TNRC6C: variants seen among roughly 807,000 people sequenced by gnomAD.
The protein encoded by TNRC6C is trinucleotide repeat-containing gene 6C protein.
TNRC6C carries 20 observed loss-of-function variants against 153.7 expected under a neutral mutation model. The ratio of observed to expected loss-of-function variants is 0.13; its 90% CI spans 0.09 to 0.19. The LOEUF (loss-of-function observed/expected upper bound fraction) is 0.19, where lower values mean the gene tolerates loss of function less well. Among genes scored for constraint, TNRC6C ranks in the 10% least tolerant of loss-of-function variants. TNRC6C has a pLI of 1.00. For synonymous variants in TNRC6C, 811 were observed against 841.4 expected, an observed-to-expected ratio of 0.96 and a Z score of 0.63; for missense variants, 1,987 against 2,172.0, an observed-to-expected ratio of 0.91 and a Z score of 1.69.
chr17:78,105,081 G>A (rs1031918421), exon 20 of TNRC6C: 8 of 423,638 alleles, frequency 1.9e-5, no homozygotes, highest in East Asian at 7.2e-5. Flanking sequence ...TATTTTGTGC[G>A]TCTTATGTTT....
intron 2 of TNRC6C, among the ~76,000 whole-genome samples, chr17:78,033,641 C>T (rs1225949618): frequency 6.6e-6 from 1 of 151,702 alleles, no homozygotes; most frequent in East Asian, 1.9e-4. Context: ...TGCACTCCAG[C>T]CTGGGTGACA....
chr17:78,015,449 G>T (rs2143452270), intron 1 of TNRC6C, among the ~76,000 whole-genome samples: 1 of 152,312 alleles, frequency 6.6e-6, no homozygotes, highest in Non-Finnish European at 1.5e-5. Context: ...AAAATATACT[G>T]CTCTCATCCA....
intron 1 of TNRC6C, among the ~76,000 whole-genome samples, chr17:77,992,437 G>T (rs1172431045): frequency 1.9e-5 from 1 of 51,394 alleles, no homozygotes; most frequent in East Asian, 5.5e-4. Context: ...GGCGGAGCTT[G>T]CAGTGAGTCG....
At chr17:77,995,317 T>A (rs1598660392) in intron 1 of TNRC6C, among the ~76,000 whole-genome samples, 1 of 152,072 alleles carries the variant, frequency 6.6e-6, no homozygotes, top group South Asian at 2.1e-4. Flanking sequence ...ATGGCTGGAG[T>A]GTGCCTGCAG....
At chr17:78,022,881 G>C (rs949272254) in intron 1 of TNRC6C, among the ~76,000 whole-genome samples, 1 of 152,208 alleles carries the variant, frequency 6.6e-6, no homozygotes, top group South Asian at 2.1e-4. Context: ...TGCATGTACT[G>C]TACATGTGCA....
intron 16 of TNRC6C, among the ~76,000 whole-genome samples, chr17:78,096,716 C>T (rs1213042427): frequency 6.6e-6 from 1 of 152,248 alleles, no homozygotes; most frequent in East Asian, 1.9e-4. Flanking sequence ...GATACGTGCA[C>T]TGGCAGAGTC....
At chr17:78,083,282 C>A in intron 11 of TNRC6C, 116 bp downstream of exon 13, 1 of 1,346,894 alleles carries the variant, frequency 7.4e-7, no homozygotes, top group Non-Finnish European at 1.0e-6. Context: ...GTCATTGAGA[C>A]TCTCATGAAG....
chr17:78,061,635 T>G (rs557000736), intron 3 of TNRC6C, among the ~76,000 whole-genome samples: 23 of 152,148 alleles, frequency 1.5e-4, no homozygotes, highest in Non-Finnish European at 3.2e-4. Flanking sequence ...TGATCACACT[T>G]AAGAACAGCC....
upstream of TNRC6C, among the ~76,000 whole-genome samples, chr17:78,002,175 C>T (rs988097874): frequency 3.3e-5 from 5 of 151,934 alleles, no homozygotes; most frequent in South Asian, 4.1e-4. Flanking sequence ...TTAAATACTA[C>T]TTGATCATAT....
At chr17:78,037,966 A>C (rs60993368) in intron 2 of TNRC6C, among the ~76,000 whole-genome samples, 1 of 152,202 alleles carries the variant, frequency 6.6e-6, no homozygotes, top group Non-Finnish European at 1.5e-5. Flanking sequence ...AGGAACTATG[A>C]TATAAAGAGA....
chr17:78,093,600 C>T lies in TNRC6C; in HGVS notation c.4163-20C>T. On this transcript the variant is annotated intron_variant, in intron 15 of 19. Transcript: ENST00000301624. ...GCCGGTGTTCTGATCTGTGGCTTCT[C>T]ATTTTGGTTTCTTAAACAGAATTCC... The T allele has an allele frequency of 1.9e-6, 3 of 1,613,452 alleles. No homozygotes were observed. The highest frequency in any genetic ancestry group is 2.5e-6 in the Non-Finnish European group (3 of 1,179,588).
upstream of TNRC6C, among the ~76,000 whole-genome samples, chr17:77,958,950 C>CGCA (rs2070836300): frequency 6.8e-6 from 1 of 146,048 alleles, no homozygotes; most frequent in Non-Finnish European, 1.5e-5. Flanking sequence ...CAGCTGCCAC[C>CGCA]GCCGCCGCCG....
intron 5 of TNRC6C, 121 bp from the exon 8 acceptor site, chr17:78,070,964 G>T (rs2072983092): frequency 1.0e-6 from 1 of 957,104 alleles, no homozygotes; most frequent in Non-Finnish European, 1.6e-6. Context: ...ATTATTCAAT[G>T]TTAATACAAA....
chr17:78,093,053 C>T, exon 15 of TNRC6C: 1 of 1,613,742 alleles, frequency 6.2e-7, no homozygotes, highest in Non-Finnish European at 8.5e-7. Context: ...GTAGCTGTTC[C>T]CCATAGCTGG....
At chr17:78,077,998 T>C (rs1224581620) in intron 9 of TNRC6C, among the ~76,000 whole-genome samples, 1 of 152,166 alleles carries the variant, frequency 6.6e-6, no homozygotes, top group African/African-American at 2.4e-5. Context: ...CTGACTTTCT[T>C]AGGGATGAGG....
chr17:78,024,416 G>A (rs2071894860), intron 1 of TNRC6C, among the ~76,000 whole-genome samples: 1 of 151,988 alleles, frequency 6.6e-6, no homozygotes, highest in Admixed American at 6.6e-5. Context: ...TCCCAGGCTG[G>A]AGTGCAGTGG....
At chr17:78,064,860 G>C in exon 4 of TNRC6C, 1 of 1,613,256 alleles carries the variant, frequency 6.2e-7, no homozygotes, top group Non-Finnish European at 8.5e-7. Context: ...AGCGGGTGGG[G>C]AGATCACCCT....
intron 2 of TNRC6C, among the ~76,000 whole-genome samples, chr17:78,032,403 C>T (rs1408459159): frequency 6.6e-6 from 1 of 152,218 alleles, no homozygotes; most frequent in Non-Finnish European, 1.5e-5. Context: ...TATTTGCTTT[C>T]CAGCTGCCAA....
rs1598801163 is a variant in TNRC6C, at chr17:78,104,250, A to G, written c.4713-235A>G. On this transcript the variant is annotated intron_variant, in intron 19 of 19. Coordinates refer to ENST00000301624, the Ensembl canonical transcript of TNRC6C. The surrounding 1 kb of genome is among the most constrained non-coding windows in gnomAD (Gnocchi z 6.2). ...TGACACTGACCCTAAACGAGCCCAC[A>G]TTTAATGATCTGTTCACGCACTTGA... Among the ~76,000 whole-genome samples, 1 of 152,220 alleles carries G rather than the reference A, an allele frequency of 6.6e-6. No homozygotes were observed. Among genetic ancestry groups the G allele is most frequent in the Non-Finnish European group, 1.5e-5 (1 of 68,030 alleles).
Sources: gnomAD v4.1 joint callset for allele counts (sites outside exome capture counted in the v4.1 genomes callset) on GRCh38, gnomAD v4.1.1 for gene constraint, Gnocchi (gnomAD v3.1) non-coding constraint, MANE v1.5 for transcripts, NCBI Gene and HGNC (gene_info 2026-07-23, HGNC 2026-07-21) for gene names.